Variants in GSDMD observed in about 807,000 individuals in gnomAD.
GSDMD encodes gasdermin D.
GSDMD carries 46 observed loss-of-function variants against 46.7 expected under a neutral mutation model. The ratio of observed to expected loss-of-function variants is 0.99; its 90% CI spans 0.78 to 1.26. The LOEUF (loss-of-function observed/expected upper bound fraction) is 1.26, where lower values mean the gene tolerates loss of function less well. GSDMD is among the 50% of genes most tolerant of loss of function. The pLI, the probability that GSDMD is intolerant of heterozygous loss-of-function variation, is 0.00. For missense variants in GSDMD, 649 were observed against 638.8 expected, an observed-to-expected ratio of 1.02 and a Z score of -0.17; for synonymous variants, 307 against 283.1, an observed-to-expected ratio of 1.08 and a Z score of -0.85.
At position 143,562,015 on chromosome 8, in the gene GSDMD, G is replaced by A. The variant is rs766368883; in HGVS notation, c.880G>A (p.Val294Met). ...TEDFQGLRAE[V>M]ETISKELELL... ...AGACTTCCAGGGCCTACGGGCAGAG[G>A]TGGAGACCATCTCCAAGGAACTGGA... Residue 294 changes from valine to methionine, a missense_variant, in exon 8 of 11, where the codon GTG (valine) becomes ATG (methionine). Physicochemically the swap from Val to Met is conservative, Grantham distance 21. Transcript: ENST00000262580. 6.2e-7 allele frequency: 1 copy of A among 1,604,538 alleles called. No individual in the cohort carries two copies.
chr8:143,560,104 C>T (rs1158703360), intron 3 of GSDMD, 135 bp downstream of exon 3: 24 of 841,780 alleles, frequency 2.9e-5, no homozygotes, highest in Non-Finnish European at 4.4e-5. Context: ...GAACTCCTGG[C>T]CTCAAGCAGT....
chr8:143,557,568 G>A (rs548406655), upstream of GSDMD, among the ~76,000 whole-genome samples: 1 of 151,948 alleles, frequency 6.6e-6, no homozygotes, highest in South Asian at 2.1e-4. Context: ...TTCAATTCCT[G>A]TGGGTGGAGC....
At chr8:143,555,543 C>T (rs1470439896), upstream of GSDMD, among the ~76,000 whole-genome samples, 1 of 152,200 alleles carries the variant, frequency 6.6e-6, no homozygotes, top group Non-Finnish European at 1.5e-5. Flanking sequence ...ACACCTGTGG[C>T]CTTGCAGGGA....
At position 143,560,782 on chromosome 8, in the gene GSDMD, AG is replaced by A; in HGVS notation, c.579+12del. 1.3e-6 allele frequency: 2 copies of A among 1,521,478 alleles called. No homozygotes were observed. Among genetic ancestry groups the A allele is most frequent in the Non-Finnish European group, 1.8e-6 (2 of 1,134,060 alleles). The allele number at this position is 1,521,478 out of a possible 1,614,324, so 94.2% of individuals were successfully genotyped here. A position where few individuals can be genotyped will look rare whatever the true frequency, so the allele number is the denominator to read the frequency against. On this transcript the variant is annotated intron_variant, in intron 4 of 10. Transcript: ENST00000262580. ...GCCACGTGCTTGCAGGTGTGTAGCC[AG>A]CCCCGGGCCACGCCTGGCCCCCCAC...
At chr8:143,560,227 G>A (rs1563905510) in intron 3 of GSDMD, 4 of 691,746 alleles carry the variant, frequency 5.8e-6, no homozygotes, top group Non-Finnish European at 1.1e-5. Flanking sequence ...AAGTCCCAGA[G>A]GCAAAAGAGC....
At chr8:143,559,634 C>T in intron 2 of GSDMD, 82 bp downstream of exon 2, 1 of 1,451,836 alleles carries the variant, frequency 6.9e-7, no homozygotes, top group Non-Finnish European at 9.5e-7. Flanking sequence ...ATCCACTGGG[C>T]TCTGCAGCCT....
upstream of GSDMD, among the ~76,000 whole-genome samples, chr8:143,554,505 A>G (rs1823265030): frequency 6.6e-6 from 1 of 151,166 alleles, no homozygotes; most frequent in African/African-American, 2.4e-5. Flanking sequence ...CATACGCACA[A>G]TACGCACGTG....
Position 143,559,495 on chromosome 8 carries a change from T to C in GSDMD, c.160T>C (p.Tyr54His), listed in dbSNP as rs1270765318. ...AAGCTCATGGTTCTGGAAACCCCGTTATAAGTGTGTCAACCTGTCTATCAA... is the reference window on the plus strand; with the variant it reads ...AAGCTCATGGTTCTGGAAACCCCGTCATAAGTGTGTCAACCTGTCTATCAA... ...PSSSWFWKPR[Y>H]KCVNLSIKDI... Residue 54 changes from tyrosine (Y) to histidine (H), a missense_variant, in exon 2 of 11, where the codon TAT becomes CAT. Coordinates refer to ENST00000262580, the MANE Select transcript of GSDMD (RefSeq NM_024736.7). 1 of 1,612,864 alleles carries C rather than the reference T, an allele frequency of 6.2e-7. No homozygotes were observed. Among genetic ancestry groups the C allele is most frequent in the African/African-American group, 1.3e-5 (1 of 75,046 alleles).
At chr8:143,562,617 T>A (rs1377663) in intron 10 of GSDMD, 45 bp from the exon 11 acceptor site, 1,269,112 of 1,595,648 alleles carry the variant, frequency 0.8, 506,437 homozygotes, top group East Asian at 0.97. Flanking sequence ...AGGCACAAGA[T>A]GCCCAGATTT....
At position 143,562,016 on chromosome 8, in the gene GSDMD, T is replaced by G; in HGVS notation, c.881T>G (p.Val294Gly). ...TEDFQGLRAE[V>G]ETISKELELL... Reference sequence around the variant, plus strand: ...GACTTCCAGGGCCTACGGGCAGAGGTGGAGACCATCTCCAAGGAACTGGAG... The same window carrying G: ...GACTTCCAGGGCCTACGGGCAGAGGGGGAGACCATCTCCAAGGAACTGGAG... The change falls in exon 8 of 11, where the codon GTG becomes GGG. Residue 294 changes from valine to glycine, a missense_variant. By Grantham distance (109) the Val-to-Gly change is moderately radical. Coordinates refer to ENST00000262580, the MANE Select transcript of GSDMD (RefSeq NM_024736.7). 1 of 1,603,966 alleles carries G rather than the reference T, an allele frequency of 6.2e-7. No individual in the cohort carries two copies. Among genetic ancestry groups the G allele is most frequent in the Non-Finnish European group, 8.5e-7 (1 of 1,178,354 alleles).
intron 7 of GSDMD, 24 bp downstream of exon 7, chr8:143,561,852 G>T (rs772682032): frequency 6.2e-7 from 1 of 1,610,430 alleles, no homozygotes; most frequent in South Asian, 1.1e-5. Context: ...TGACCGCCCC[G>T]GGGACCTTTG....
In GSDMD at chr8:143,560,690, A is replaced by G; in HGVS notation, c.498A>G (p.Thr166=). 6.3e-7 allele frequency: 1 copy of G among 1,585,722 alleles called. No homozygotes were observed. Among genetic ancestry groups the G allele is most frequent in the Non-Finnish European group, 8.6e-7 (1 of 1,166,144 alleles). ...ACGTGGTGACTGAGGTGCTGCAGAC[A>G]CAGAAGGAGGTGGAAGTCACGCGCA... The part of the protein sequence containing the change: ...NVYVVTEVLQ[T]QKEVEVTRTH... Residue 166 remains threonine, a synonymous_variant, in exon 4 of 11, where the codon ACA becomes ACG. Coordinates refer to ENST00000262580, the MANE Select transcript of GSDMD (RefSeq NM_024736.7).
chr8:143,556,679 A>T (rs1020767555), upstream of GSDMD, among the ~76,000 whole-genome samples: 1 of 152,204 alleles, frequency 6.6e-6, no homozygotes, highest in Admixed American at 6.5e-5. Context: ...CCCCATCCAC[A>T]ACCGCGGAGC....
Position 143,559,895 on chromosome 8 carries a change from C to G in GSDMD, c.336C>G (p.Asp112Glu), listed in dbSNP as rs766647547. The change falls in exon 3 of 11, where the codon GAC becomes GAG. Residue 112 changes from aspartate (D) to glutamate (E), a missense_variant. Asp to Glu is a conservative substitution (Grantham distance 45). Transcript: ENST00000262580. ...AKIAGGAAVS[D>E]SSSTSMNVYS... ...TCGCAGGCGGGGCCGCGGTGTCTGA[C>G]AGCTCCAGCACCTCAATGAATGTGT... 6.2e-7 allele frequency: 1 copy of G among 1,612,774 alleles called. No homozygotes were observed. Among genetic ancestry groups the G allele is most frequent in the Non-Finnish European group, 8.5e-7 (1 of 1,179,950 alleles).
chr8:143,559,011 G>C (rs1259472012), intron 1 of GSDMD: 1 of 569,996 alleles, frequency 1.8e-6, no homozygotes, highest in Non-Finnish European at 3.2e-6. Context: ...GGAGGTGACA[G>C]CTTGTTTCCT....
upstream of GSDMD, among the ~76,000 whole-genome samples, chr8:143,557,362 G>A (rs1373661523): frequency 0.013 from 1,296 of 96,888 alleles, 61 homozygotes; most frequent in African/African-American, 0.041. Context: ...CTTTGGCGAA[G>A]GATGCTGCCG....
chr8:143,557,451 C>T (rs1050149577), upstream of GSDMD, among the ~76,000 whole-genome samples: 1 of 150,680 alleles, frequency 6.6e-6, no homozygotes, highest in Non-Finnish European at 1.5e-5. Context: ...ACGACGGATG[C>T]TGCCGCTATG....
rs1037415840 is a variant in GSDMD, at chr8:143,560,666, C to T, written c.474C>T (p.Tyr158=). 15 of 1,589,366 alleles carry T rather than the reference C, an allele frequency of 9.4e-6. No individual in the cohort carries two copies. The highest frequency in any genetic ancestry group is 2.3e-5 in the East Asian group (1 of 43,576). Residue 158 remains tyrosine, a synonymous_variant, in exon 4 of 11, where the codon TAC becomes TAT. Transcript: ENST00000262580. ...QQLRSRGDNV[Y]VVTEVLQTQK... ...TGCGCAGCCGCGGGGACAACGTGTA[C>T]GTGGTGACTGAGGTGCTGCAGACAC... is the stretch of plus-strand genomic sequence containing the variant.
At chr8:143,559,280 T>TGCCCCCC in intron 1 of GSDMD, 52 bp from the exon 2 acceptor site, 37 of 579,422 alleles carry the variant, frequency 6.4e-5, no homozygotes, top group East Asian at 2.2e-4. Flanking sequence ...CTTCTCCCAC[T>TGCCCCCC]CCCTCCCGCC....
Sources: gnomAD v4.1 joint callset for allele counts (sites outside exome capture counted in the v4.1 genomes callset) on GRCh38, gnomAD v4.1.1 for gene constraint, MANE v1.5 for transcripts, NCBI Gene and HGNC (gene_info 2026-07-23, HGNC 2026-07-21) for gene names.